MUC4: variants seen among roughly 807,000 people sequenced by gnomAD.
MUC4 encodes mucin 4, cell surface associated.
In MUC4, 202 loss-of-function variants were observed where a neutral mutation model predicts 257.9. The ratio of observed to expected loss-of-function variants is 0.78; its 90% CI spans 0.70 to 0.88. MUC4 has a LOEUF of 0.88. Ranked by LOEUF, MUC4 falls within the 40% of genes least tolerant of loss-of-function variation. The pLI is 0.00. For missense variants in MUC4, 5,976 were observed against 6,513.7 expected, an observed-to-expected ratio of 0.92 and a Z score of 2.84; for synonymous variants, 2,351 against 2,757.1, an observed-to-expected ratio of 0.85 and a Z score of 4.62.
chr3:195,776,580 C>T (rs1254727074), intron 3 of MUC4, among the ~76,000 whole-genome samples: 1 of 30,228 alleles, frequency 3.3e-5, no homozygotes, highest in Admixed American at 2.0e-4. Context: ...CCTTCCACAC[C>T]CATACCTTCC....
chr3:195,798,690 T>C (rs576427002), intron 1 of MUC4, among the ~76,000 whole-genome samples: 12 of 151,930 alleles, frequency 7.9e-5, no homozygotes, highest in South Asian at 2.1e-4. Context: ...GGTGACAGAG[T>C]GAGACTCCGT....
At position 195,790,435 on chromosome 3, in the gene MUC4, C is replaced by G. The variant is rs1177131017; in HGVS notation, c.1145G>C (p.Ser382Thr). 1.2e-6 allele frequency: 2 copies of G among 1,613,832 alleles called. No individual in the cohort carries two copies. The highest frequency in any genetic ancestry group is 1.7e-5 in the Admixed American group (1 of 60,022). Residue 382 changes from serine (S) to threonine (T), a missense_variant, in exon 2 of 25, where the codon AGT becomes ACT. Transcript: ENST00000463781. ...TGTTACCAGGAATGTATTGCTGACA[C>G]TGGAAGGGGATGAGGTGGTTGTTTC... is the stretch of plus-strand genomic sequence containing the variant. ...SGETTTSSPS[S>T]VSNTFLVTSK...
Position 195,791,373 on chromosome 3 carries a change from G to A in MUC4, c.207C>T (p.Asp69=). The A allele has an allele frequency of 6.2e-7, 1 of 1,613,990 alleles. No individual in the cohort carries two copies. Among genetic ancestry groups the A allele is most frequent in the Non-Finnish European group, 8.5e-7 (1 of 1,179,874 alleles). The stretch of plus-strand genomic sequence containing the variant: ...GGTGGTTCTGAGATGAAGCTGATAT[G>A]TCCTGATTAGAGGTCCTTGAAGAAG... ...TAASSRTSNQ[D]ISASSQNHQT... The change falls in exon 2 of 25, where the codon GAC becomes GAT. Residue 69 remains aspartate (D), a synonymous_variant. Transcript: ENST00000463781.
chr3:195,753,661 T>C lies in MUC4; in HGVS notation c.15329-431A>G, dbSNP rs116567828. On this transcript the variant is annotated intron_variant, in intron 19 of 24. Transcript: ENST00000463781. ...TGCCTTAGGGGGCTTGGTAAAGGCC[T>C]CGCTGTGATCTCCCTCATCAGACTC... The C allele has an allele frequency of 5.6e-3, 1,299 of 230,904 alleles. 13 individuals carry two copies. The highest frequency in any genetic ancestry group is 0.029 in the African/African-American group (1,227 of 42,862). The allele number at this position is 230,904 out of a possible 1,614,324, so 14.3% of individuals were successfully genotyped here.
intron 12 of MUC4, among the ~76,000 whole-genome samples, chr3:195,763,211 A>C (rs1719625092): frequency 2.0e-5 from 3 of 152,210 alleles, no homozygotes; most frequent in Admixed American, 2.0e-4. Flanking sequence ...AAACCAAATT[A>C]AGTAGTTTCT....
At position 195,750,907 on chromosome 3, in the gene MUC4, C is replaced by T. The variant is rs752970875; in HGVS notation, c.15853G>A (p.Val5285Met). Residue 5285 changes from valine (V) to methionine (M), a missense_variant, in exon 23 of 25, where the codon GTG becomes ATG. Val to Met is a conservative substitution (Grantham distance 21). Transcript: ENST00000463781. ...GACTCACGGGCTGTCACATCGCGCA[C>T]GTCTTCCCCGGAGATGGGCTGGAAG... ...VVFQPISGEDVRDVTALNVST... is the reference protein window; with the variant it reads ...VVFQPISGEDMRDVTALNVST... The T allele has an allele frequency of 8.7e-6, 14 of 1,613,556 alleles. No homozygotes were observed. The Admixed American group carries it at 1.0e-4, about 12-fold the overall frequency.
intron 3 of MUC4, among the ~76,000 whole-genome samples, chr3:195,777,838 A>G (rs150113554): frequency 1.0e-3 from 54 of 51,798 alleles, no homozygotes; most frequent in South Asian, 2.7e-3. Flanking sequence ...TACCTTCCAC[A>G]TCCATACCTT....
At chr3:195,767,793 C>CCCCCAA (rs1721603873) in intron 7 of MUC4, among the ~76,000 whole-genome samples, 1 of 73,290 alleles carries the variant, frequency 1.4e-5, no homozygotes, top group African/African-American at 5.3e-5. Flanking sequence ...ACCATCATTG[C>CCCCCAA]CACCACCATC....
Position 195,771,656 on chromosome 3 carries a change from T to C in MUC4, c.13238A>G (p.Tyr4413Cys). 6.2e-7 allele frequency: 1 copy of C among 1,613,164 alleles called. No homozygotes were observed. Among genetic ancestry groups the C allele is most frequent in the Non-Finnish European group, 8.5e-7 (1 of 1,179,324 alleles). ...GCCAGGCTTTGAAAGGCTCACCTGATAAAATGTGGTCCCCCGACCAGTGGA... is the reference window on the plus strand; with the variant it reads ...GCCAGGCTTTGAAAGGCTCACCTGACAAAATGTGGTCCCCCGACCAGTGGA... ...DFSTGRGTTF[Y>C]QEYETFYGEH... Residue 4413 changes from tyrosine (Y) to cysteine (C), a missense_variant, in exon 5 of 25, where the codon TAT becomes TGT. Physicochemically the swap from Tyr to Cys is radical, Grantham distance 194. Transcript: ENST00000463781.
rs763494336 is a variant in MUC4 at position 195,789,264 on chromosome 3, A to G, written c.2316T>C (p.His772=). ...TSPDTAAAMT[H]THQAESTEAS... The stretch of plus-strand genomic sequence containing the variant: ...CCTCTGTGCTCTCAGCCTGGTGGGT[A>G]TGGGTCATGGCTGCTGCTGTGTCAG... Residue 772 remains histidine, a synonymous_variant, in exon 2 of 25, where the codon CAT becomes CAC. Transcript: ENST00000463781. 30 of 1,613,814 alleles carry G rather than the reference A, an allele frequency of 1.9e-5. No homozygotes were observed. Among genetic ancestry groups the G allele is most frequent in the East Asian group, 4.5e-5 (2 of 44,878 alleles).
intron 4 of MUC4, among the ~76,000 whole-genome samples, chr3:195,772,894 TCC>T (rs1723368868): frequency 2.3e-4 from 29 of 125,958 alleles, no homozygotes; most frequent in African/African-American, 5.5e-4. Context: ...ATAGACACCC[TCC>T]CTTCATCGCT....
At chr3:195,767,918 ACTGCCACCTCCACCG>A (rs1721905910) in intron 7 of MUC4, among the ~76,000 whole-genome samples, 2 of 139,884 alleles carry the variant, frequency 1.4e-5, no homozygotes, top group Admixed American at 7.0e-5. Flanking sequence ...CACCATCGCC[ACTGCCACCTCCACCG>A]CCACTACCAC....
chr3:195,770,450 A>T, intron 5 of MUC4, 79 bp from the exon 6 acceptor site: 2 of 1,544,312 alleles, frequency 1.3e-6, no homozygotes, highest in African/African-American at 1.4e-5. Context: ...CTGCCTGAGG[A>T]CCCTGCCCAC....
chr3:195,753,097 G>C lies in MUC4; in HGVS notation c.15462C>G (p.Ser5154Arg), dbSNP rs759754170. The change falls in exon 20 of 25, where the codon AGC becomes AGG. Residue 5154 changes from serine to arginine, a missense_variant. By Grantham distance (110) the Ser-to-Arg change is moderately radical (BLOSUM62 -1). Transcript: ENST00000463781. ...AGTTGTTCCCAGCCAGGAAGCAGCG[G>C]CTGTCAGTGAAGGCTGGGGGGCAGG... ...MCTCPPAFTD[S>R]RCFLAGNNFS... The C allele has an allele frequency of 6.2e-7, 1 of 1,611,710 alleles. No homozygotes were observed. Among genetic ancestry groups the C allele is most frequent in the South Asian group, 1.1e-5 (1 of 90,924 alleles).
Position 195,786,305 on chromosome 3 carries a change from T to C in MUC4, c.5275A>G (p.Thr1759Ala). The stretch of plus-strand genomic sequence containing the variant: ...GAAGTGTCGGTGACAGGAAGAGGGG[T>C]GGCCTGACCTGTGGATGCTGAGGAA... ...DASSASTGQA[T>A]PLPVTDTSSV... The change falls in exon 2 of 25, where the codon ACC becomes GCC. Residue 1759 changes from threonine to alanine, a missense_variant. Thr to Ala is a moderately conservative substitution (Grantham distance 58). Transcript: ENST00000463781. 6.6e-7 allele frequency: 1 copy of C among 1,515,982 alleles called. No individual in the cohort carries two copies. The highest frequency in any genetic ancestry group is 8.9e-7 in the Non-Finnish European group (1 of 1,124,578). The allele number at this position is 1,515,982 out of a possible 1,614,324, so 93.9% of individuals were successfully genotyped here. A position where few individuals can be genotyped will look rare whatever the true frequency, so the allele number is the denominator to read the frequency against.
chr3:195,788,717 G>C lies in MUC4; in HGVS notation c.2863C>G (p.His955Asp), dbSNP rs540145315. Residue 955 changes from histidine (H) to aspartate (D), a missense_variant, in exon 2 of 25, where the codon CAC becomes GAC. Around this residue, in one of 44 missense-constraint regions of MUC4, gnomAD observed 1,583 missense variants for 1,257.4 expected, o/e 1.26. Coordinates refer to ENST00000463781, the MANE Select transcript of MUC4 (RefSeq NM_018406.7). ...TGLTSPQTET[H>D]TLSPSGSGKT... Reference sequence around the variant, plus strand: ...CCAGACCCTGAAGGTGACAGAGTGTGGGTCTCGGTTTGTGGAGATGTAAGC... The same window carrying C: ...CCAGACCCTGAAGGTGACAGAGTGTCGGTCTCGGTTTGTGGAGATGTAAGC... 6.2e-7 allele frequency: 1 copy of C among 1,609,006 alleles called. No individual in the cohort carries two copies. Among genetic ancestry groups the C allele is most frequent in the South Asian group, 1.1e-5 (1 of 90,794 alleles).
chr3:195,796,750 T>C (rs1355980969), intron 1 of MUC4, among the ~76,000 whole-genome samples: 1 of 151,838 alleles, frequency 6.6e-6, no homozygotes, highest in Non-Finnish European at 1.5e-5. Context: ...CTAAGATGAG[T>C]TTACAGGCAA....
In MUC4 at chr3:195,785,594, C is replaced by T. The variant is rs1446821231; in HGVS notation, c.5986G>A (p.Gly1996Ser). 2.0e-6 allele frequency: 3 copies of T among 1,536,380 alleles called. No homozygotes were observed. The highest frequency in any genetic ancestry group is 2.6e-6 in the Non-Finnish European group (3 of 1,140,096). The change falls in exon 2 of 25, where the codon GGT becomes AGT. Residue 1996 changes from glycine to serine, a missense_variant. By Grantham distance (56) the Gly-to-Ser change is moderately conservative. This residue lies in a region of MUC4 where 51 missense variants were observed against 45.1 expected (regional missense o/e 1.13). Transcript: ENST00000463781. ...GTGACCGGAAGAGGGGTGGCATGAC[C>T]TGTGGACACTGAGGAAGCGTCGGTG... The part of the protein sequence containing the change: ...PVTDASSVST[G>S]HATPLPVTDT...
chr3:195,799,372 C>T, intron 1 of MUC4, among the ~76,000 whole-genome samples: 1 of 152,112 alleles, frequency 6.6e-6, no homozygotes, highest in East Asian at 1.9e-4. Context: ...TGCAACGGCA[C>T]GATTTCGGCC....
Sources: allele counts gnomAD v4.1 joint callset (sites outside exome capture counted in the v4.1 genomes callset), GRCh38; gene constraint gnomAD v4.1.1; regional missense constraint gnomAD v4.1.1; transcripts MANE v1.5; gene names NCBI Gene and HGNC (gene_info 2026-07-23, HGNC 2026-07-21).